The following LARGE1 variants were observed in gnomAD, a reference collection of about 807,000 sequenced individuals.
LARGE1 encodes the protein LARGE xylosyl- and glucuronyltransferase 1.
LARGE1 carries 43 observed loss-of-function variants against 87.6 expected under a neutral mutation model. That is an observed-to-expected ratio of 0.49 (90% confidence interval 0.38 to 0.63). The LOEUF (loss-of-function observed/expected upper bound fraction) is 0.63. LARGE1 is among the 30% of genes least tolerant of loss of function. The pLI is 0.00. For synonymous variants in LARGE1, 434 were observed against 394.6 expected (o/e 1.10, Z -1.18); for missense variants, 802 against 1,000.2 (o/e 0.80, Z 2.67).
At chr22:33,451,747 C>T (rs550450556) in intron 6 of LARGE1, among the ~76,000 whole-genome samples, 13 of 152,122 alleles carry the variant, frequency 8.5e-5, no homozygotes, top group Non-Finnish European at 1.6e-4. Flanking sequence ...TTAGTAGAGA[C>T]GGGGTTTCAC....
intron 1 of LARGE1, among the ~76,000 whole-genome samples, chr22:33,867,925 G>A (rs144748143): frequency 5.3e-5 from 8 of 152,076 alleles, no homozygotes; most frequent in African/African-American, 9.6e-5. Flanking sequence ...ACTATCTATC[G>A]GGGCCACCTG....
intron 2 of LARGE1, among the ~76,000 whole-genome samples, chr22:33,736,162 C>T (rs1469929438): frequency 3.3e-5 from 5 of 152,286 alleles, no homozygotes; most frequent in African/African-American, 7.2e-5. Flanking sequence ...ATACCTGGAG[C>T]GGAATTGCTG....
chr22:33,272,587 T>C lies in LARGE1; in HGVS notation c.*1840A>G, dbSNP rs563847973. ...GCTTTGTATATAGGCTATATACTTGTATGCTCTGTCTACATATATATTTAC... is the reference window on the plus strand; with the variant it reads ...GCTTTGTATATAGGCTATATACTTGCATGCTCTGTCTACATATATATTTAC... On this transcript the variant is annotated 3_prime_UTR_variant, in exon 15 of 15. Transcript: ENST00000397394. 6.6e-6 allele frequency among the ~76,000 whole-genome samples: 1 copy of C among 152,394 alleles called. No homozygotes were observed. Among genetic ancestry groups the C allele is most frequent in the Non-Finnish European group, 1.5e-5 (1 of 68,044 alleles).
At chr22:33,801,170 A>G (rs765206603) in intron 1 of LARGE1, among the ~76,000 whole-genome samples, 4 of 152,182 alleles carry the variant, frequency 2.6e-5, no homozygotes, top group Non-Finnish European at 5.9e-5. Flanking sequence ...TCGCACCATG[A>G]TTCTGGGGCC....
intron 11 of LARGE1, among the ~76,000 whole-genome samples, chr22:33,192,879 A>G (rs1039851514): frequency 3.3e-5 from 5 of 152,152 alleles, no homozygotes; most frequent in African/African-American, 1.2e-4. Context: ...TACATTCTTC[A>G]TGTGTGGATA....
At chr22:33,144,431 T>C in the LARGE1 span, among the ~76,000 whole-genome samples, 1 of 152,320 alleles carries the variant, frequency 6.6e-6, no homozygotes, top group East Asian at 1.9e-4. Flanking sequence ...TTATTGATTC[T>C]ATAGTTGTTG....
At chr22:33,604,922 G>T (rs566523426) in intron 4 of LARGE1, among the ~76,000 whole-genome samples, 1 of 151,952 alleles carries the variant, frequency 6.6e-6, no homozygotes, top group South Asian at 2.1e-4. Flanking sequence ...CAGCCTTAAC[G>T]CAGAAACACA....
intron 1 of LARGE1, among the ~76,000 whole-genome samples, chr22:33,859,962 G>C (rs2063865218): frequency 6.6e-6 from 1 of 152,136 alleles, no homozygotes; most frequent in South Asian, 2.1e-4. Flanking sequence ...CAGGGGCTGG[G>C]AGGAGGGGAA....
At chr22:33,808,482 A>T (rs774595423) in intron 1 of LARGE1, among the ~76,000 whole-genome samples, 3 of 152,240 alleles carry the variant, frequency 2.0e-5, no homozygotes, top group Non-Finnish European at 4.4e-5. Flanking sequence ...TGCTTGGCAC[A>T]AATAGGTTGG....
At chr22:33,460,871 C>T (rs1171097256) in intron 6 of LARGE1, among the ~76,000 whole-genome samples, 1 of 152,204 alleles carries the variant, frequency 6.6e-6, no homozygotes, top group Non-Finnish European at 1.5e-5. Context: ...GTGATCTCCA[C>T]TGAGAATTCT....
intron 10 of LARGE1, among the ~76,000 whole-genome samples, chr22:33,337,058 CA>C (rs557329106): frequency 0.083 from 5,582 of 67,582 alleles, 224 homozygotes; most frequent in African/African-American, 0.21. Context: ...GAAACTCTGT[CA>C]AAAAAAAAAA....
intron 7 of LARGE1, among the ~76,000 whole-genome samples, chr22:33,412,352 G>T (rs1392871131): frequency 6.6e-6 from 1 of 151,752 alleles, no homozygotes. Flanking sequence ...TTCAACAACT[G>T]ACTCTTCAGA....
intron 7 of LARGE1, among the ~76,000 whole-genome samples, chr22:33,420,107 A>C (rs1286189180): frequency 6.6e-6 from 1 of 152,204 alleles, no homozygotes; most frequent in Non-Finnish European, 1.5e-5. Flanking sequence ...GTCTCCAGAC[A>C]TTGCCGGTGT....
the LARGE1 span, among the ~76,000 whole-genome samples, chr22:33,127,482 G>A: frequency 1.3e-5 from 2 of 152,020 alleles, no homozygotes; most frequent in East Asian, 3.9e-4. Context: ...CAATCCTCAG[G>A]AAAAAGAAAA....
the LARGE1 span, among the ~76,000 whole-genome samples, chr22:33,072,678 G>C: frequency 1.3e-5 from 2 of 152,118 alleles, no homozygotes; most frequent in African/African-American, 4.8e-5. Context: ...ATTGGTCGGT[G>C]GTGGGCTAGT....
chr22:33,677,325 C>G (rs773931006), intron 2 of LARGE1, among the ~76,000 whole-genome samples: 1 of 151,170 alleles, frequency 6.6e-6, no homozygotes, highest in Non-Finnish European at 1.5e-5. Context: ...AAAACTCACT[C>G]GAACTGGCCC....
chr22:33,714,272 C>T (rs576805150), intron 2 of LARGE1, among the ~76,000 whole-genome samples: 29 of 152,196 alleles, frequency 1.9e-4, no homozygotes, highest in African/African-American at 6.0e-4. Flanking sequence ...AGGAGCCCCT[C>T]GTTCAGAGAA....
At chr22:33,295,078 CTTATAAACAGTGT>C (rs763858045) in intron 12 of LARGE1, among the ~76,000 whole-genome samples, 1 of 152,162 alleles carries the variant, frequency 6.6e-6, no homozygotes, top group Non-Finnish European at 1.5e-5. Flanking sequence ...AGACAGGGCA[CTTATAAACAGTGT>C]TTTTTCCTTC....
At chr22:33,389,873 ACC>A (rs1569120064) in intron 7 of LARGE1, among the ~76,000 whole-genome samples, 21 of 151,748 alleles carry the variant, frequency 1.4e-4, no homozygotes, top group African/African-American at 4.6e-4. Context: ...CAACCAACCA[ACC>A]AACCAACCAA....
Sources: allele counts gnomAD v4.1 joint callset (sites outside exome capture counted in the v4.1 genomes callset), GRCh38; gene constraint gnomAD v4.1.1; transcripts MANE v1.5; gene names NCBI Gene and HGNC (gene_info 2026-07-23, HGNC 2026-07-21).